CDH18: variants seen among roughly 807,000 people sequenced by gnomAD.
CDH18 encodes the protein cadherin-18.
CDH18 carries 31 observed loss-of-function variants against 67.9 expected under a neutral mutation model. That is an observed-to-expected ratio of 0.46 (90% CI 0.34 to 0.62). CDH18 has a LOEUF of 0.62. Among genes scored for constraint, CDH18 ranks in the 20% least tolerant of loss-of-function variants. The pLI is 0.01. For missense variants in CDH18, 890 were observed against 975.5 expected, an observed-to-expected ratio of 0.91 and a Z score of 1.17; for synonymous variants, 362 against 347.2, an observed-to-expected ratio of 1.04 and a Z score of -0.48.
At chr5:20,317,637 G>A (rs1321054783) in intron 1 of CDH18, among the ~76,000 whole-genome samples, 2 of 152,072 alleles carry the variant, frequency 1.3e-5, no homozygotes, top group African/African-American at 2.4e-5. Context: ...AATTAGCTTT[G>A]ACTAATGCTT....
At chr5:19,882,018 G>A (rs908098775) in intron 2 of CDH18, among the ~76,000 whole-genome samples, 10 of 152,136 alleles carry the variant, frequency 6.6e-5, no homozygotes, top group African/African-American at 2.4e-4. Context: ...CGACTTAGAT[G>A]ATGTCACATA....
At chr5:20,142,972 C>T (rs1380751443) in intron 2 of CDH18, among the ~76,000 whole-genome samples, 1 of 152,054 alleles carries the variant, frequency 6.6e-6, no homozygotes, top group Non-Finnish European at 1.5e-5. Context: ...GTAACAAATA[C>T]TGAAAAATAT....
intron 2 of CDH18, among the ~76,000 whole-genome samples, chr5:20,121,161 G>A (rs1385652382): frequency 6.6e-6 from 1 of 152,170 alleles, no homozygotes; most frequent in Non-Finnish European, 1.5e-5. Flanking sequence ...CAAGAAAGAA[G>A]CATCATGTAT....
At chr5:20,157,435 AT>A (rs895284537) in intron 2 of CDH18, among the ~76,000 whole-genome samples, 3 of 152,100 alleles carry the variant, frequency 2.0e-5, no homozygotes, top group East Asian at 1.9e-4. Flanking sequence ...AAGCTATTTT[AT>A]TTTTTTATTT....
At chr5:20,485,529 T>A (rs550246652) in intron 1 of CDH18, among the ~76,000 whole-genome samples, 3 of 152,280 alleles carry the variant, frequency 2.0e-5, no homozygotes, top group African/African-American at 7.2e-5. Context: ...TGCTCATATG[T>A]GTATATGGCT....
intron 3 of CDH18, among the ~76,000 whole-genome samples, chr5:19,756,211 T>C (rs531936006): frequency 1.4e-4 from 22 of 152,148 alleles, no homozygotes; most frequent in Non-Finnish European, 3.2e-4. Context: ...TGATACGAAG[T>C]CAATAAATCT....
chr5:19,982,761 G>A (rs948313292), intron 1 of CDH18, among the ~76,000 whole-genome samples: 2 of 151,792 alleles, frequency 1.3e-5, no homozygotes, highest in African/African-American at 2.4e-5. Context: ...ATTATAATTC[G>A]AGGCCAGGCA....
intron 2 of CDH18, among the ~76,000 whole-genome samples, chr5:20,175,739 C>T (rs1306657650): frequency 6.6e-6 from 1 of 152,072 alleles, no homozygotes; most frequent in Non-Finnish European, 1.5e-5. Flanking sequence ...GGCTGGGAGG[C>T]TAGGCCAGTC....
chr5:20,542,984 G>A (rs938716341), intron 1 of CDH18, among the ~76,000 whole-genome samples: 20 of 151,822 alleles, frequency 1.3e-4, no homozygotes, highest in Non-Finnish European at 2.1e-4. Context: ...AATTTCTCAA[G>A]GATAAATTAA....
intron 5 of CDH18, among the ~76,000 whole-genome samples, chr5:19,667,369 TAATC>T (rs1478590638): frequency 2.0e-5 from 3 of 151,206 alleles, no homozygotes; most frequent in Admixed American, 6.6e-5. Context: ...ATATAATACT[TAATC>T]AGTTAATTAT....
chr5:20,091,059 G>T (rs1166426333), intron 2 of CDH18, among the ~76,000 whole-genome samples: 1 of 102,616 alleles, frequency 9.7e-6, no homozygotes, highest in Non-Finnish European at 2.1e-5. Context: ...CCAAAATAAA[G>T]AAAAAAAAAA....
chr5:19,733,961 C>A lies in CDH18; in HGVS notation c.524-12495G>T, dbSNP rs564182667. Among the ~76,000 whole-genome samples, 26 of 152,314 alleles carry A rather than the reference C, an allele frequency of 1.7e-4. No individual in the cohort carries two copies. In the South Asian group the frequency reaches 4.8e-3, roughly 28 times the overall value. ...CACTTGCTTGCTTACATGCTCACTC[C>A]TGCCAGGGGCTGAGCGCAGTGGGCT... On this transcript the variant is annotated intron_variant, in intron 4 of 12. Coordinates refer to ENST00000382275, the MANE Select transcript of CDH18 (RefSeq NM_004934.5).
chr5:20,230,406 C>T (rs1000171273), intron 2 of CDH18, among the ~76,000 whole-genome samples: 2 of 152,138 alleles, frequency 1.3e-5, no homozygotes, highest in African/African-American at 4.8e-5. Context: ...AGACATTTAA[C>T]CATATCATGA....
At chr5:20,079,093 A>AT (rs925212744) in intron 2 of CDH18, among the ~76,000 whole-genome samples, 4 of 152,236 alleles carry the variant, frequency 2.6e-5, no homozygotes, top group African/African-American at 9.6e-5. Flanking sequence ...TAAAATCCCT[A>AT]TTTTGAATGT....
chr5:19,715,505 A>G (rs1408213064), intron 5 of CDH18, among the ~76,000 whole-genome samples: 1 of 152,156 alleles, frequency 6.6e-6, no homozygotes, highest in Non-Finnish European at 1.5e-5. Context: ...AAGACTGTCA[A>G]TTCCGAAGAT....
At chr5:19,809,343 G>A (rs1778391947) in intron 3 of CDH18, among the ~76,000 whole-genome samples, 1 of 151,994 alleles carries the variant, frequency 6.6e-6, no homozygotes, top group African/African-American at 2.4e-5. Flanking sequence ...ACCTCCTGAA[G>A]ACTAGAAAAA....
At chr5:20,271,795 GCA>G (rs1421552347) in intron 1 of CDH18, among the ~76,000 whole-genome samples, 1 of 152,044 alleles carries the variant, frequency 6.6e-6, no homozygotes, top group African/African-American at 2.4e-5. Flanking sequence ...TGTTGTGTAA[GCA>G]CACAGTCTGT....
intron 5 of CDH18, among the ~76,000 whole-genome samples, chr5:19,701,392 T>C (rs147573618): frequency 1.3e-4 from 20 of 152,122 alleles, no homozygotes; most frequent in African/African-American, 2.7e-4. Context: ...AGTGAAAAGA[T>C]AGAAACAAAC....
chr5:19,827,323 A>C (rs1780512633), intron 3 of CDH18, among the ~76,000 whole-genome samples: 1 of 101,682 alleles, frequency 9.8e-6, no homozygotes, highest in Non-Finnish European at 2.1e-5. Flanking sequence ...ACAAGTTATC[A>C]AGGCAAAAAA....
Sources: gnomAD v4.1 joint callset for allele counts (sites outside exome capture counted in the v4.1 genomes callset) on GRCh38, gnomAD v4.1.1 for gene constraint, MANE v1.5 for transcripts, NCBI Gene and HGNC (gene_info 2026-07-23, HGNC 2026-07-21) for gene names.